ITGA3: variants seen among roughly 807,000 people sequenced by gnomAD.
ITGA3 encodes the protein integrin alpha-3.
In ITGA3, 70 loss-of-function variants were observed where a neutral mutation model predicts 131.1. That is an observed-to-expected ratio of 0.53 (90% confidence interval 0.44 to 0.65). The LOEUF (loss-of-function observed/expected upper bound fraction) is 0.65, where lower values mean the gene tolerates loss of function less well. Among genes scored for constraint, ITGA3 ranks in the 30% least tolerant of loss-of-function variants. ITGA3 has a pLI of 0.00. For missense variants in ITGA3, 1,098 were observed against 1,388.6 expected, an observed-to-expected ratio of 0.79 and a Z score of 3.33; for synonymous variants, 537 against 571.6, an observed-to-expected ratio of 0.94 and a Z score of 0.86.
At chr17:50,074,838 T>G (rs959889586) in intron 10 of ITGA3, among the ~76,000 whole-genome samples, 1 of 152,186 alleles carries the variant, frequency 6.6e-6, no homozygotes, top group Non-Finnish European at 1.5e-5. Flanking sequence ...CGCATTTAAG[T>G]GGATGGATAT....
chr17:50,087,829 G>A lies in ITGA3; in HGVS notation c.3005G>A (p.Gly1002Glu). Residue 1002 changes from glycine to glutamate, a missense_variant, in exon 24 of 26, where the codon GGG becomes GAG. Gly to Glu is a moderately conservative substitution (Grantham distance 98). This residue lies in a region of ITGA3 where 699 missense variants were observed against 829.2 expected (regional missense o/e 0.84). Transcript: ENST00000320031. Reference protein sequence around the residue: ...LWLVLVAVGAGLLLLGLIILL... With the variant: ...LWLVLVAVGAELLLLGLIILL... ...CTGGTGCTGGTGGCCGTGGGTGCAG[G>A]GCTGCTGCTGCTGGGGCTGATCATC... The A allele has an allele frequency of 1.2e-6, 2 of 1,609,326 alleles. No homozygotes were observed. The highest frequency in any genetic ancestry group is 1.7e-6 in the Non-Finnish European group (2 of 1,177,772).
Position 50,072,130 on chromosome 17 carries a change from C to T in ITGA3, c.1104C>T (p.Ala368=), listed in dbSNP as rs778982919. Residue 368 remains alanine, a synonymous_variant, in exon 7 of 26, where the codon GCC becomes GCT. Transcript: ENST00000320031. ...TTCTTCATGGCCCCAGTGGCTCTGC[C>T]TTTGGTTTATCTGTGGCCAGCATTG... The part of the protein sequence containing the change: ...SLLLHGPSGS[A]FGLSVASIGD... 1 of 1,614,022 alleles carries T rather than the reference C, an allele frequency of 6.2e-7. No homozygotes were observed. Among genetic ancestry groups the T allele is most frequent in the Non-Finnish European group, 8.5e-7 (1 of 1,180,002 alleles).
chr17:50,068,237 T>G lies in ITGA3; in HGVS notation c.596T>G (p.Leu199Arg). ...TACCTGGAGACGGGCATGTGCCAGC[T>G]GGGCACCAGCGGTGGCTTCACCCAG... ...TDYLETGMCQLGTSGGFTQNT... is the reference protein window; with the variant it reads ...TDYLETGMCQRGTSGGFTQNT... Residue 199 changes from leucine to arginine, a missense_variant, in exon 4 of 26, where the codon CTG becomes CGG. Coordinates refer to ENST00000320031, the MANE Select transcript of ITGA3 (RefSeq NM_002204.4). 6.2e-7 allele frequency: 1 copy of G among 1,614,002 alleles called. No individual in the cohort carries two copies. Among genetic ancestry groups the G allele is most frequent in the Non-Finnish European group, 8.5e-7 (1 of 1,180,028 alleles).
chr17:50,068,274 C>A lies in ITGA3; in HGVS notation c.633C>A (p.Tyr211Ter). The change falls in exon 4 of 26, where the codon TAC (tyrosine) becomes TAA (stop). Residue 211 changes from tyrosine to a stop codon, truncating the protein, a stop_gained. Transcript: ENST00000320031. LOFTEE classifies it high-confidence loss of function. ...GTGGCTTCACCCAGAACACTGTGTA[C>A]TTCGGCGCCCCCGGTGCCTACAACT... ...TSGGFTQNTV[Y>*]FGAPGAYNWK... 1 of 1,613,638 alleles carries A rather than the reference C, an allele frequency of 6.2e-7. No homozygotes were observed. The highest frequency in any genetic ancestry group is 2.2e-5 in the East Asian group (1 of 44,880).
Position 50,079,121 on chromosome 17 carries a change from C to T in ITGA3, c.2446C>T (p.Leu816=), listed in dbSNP as rs750319665. The T allele has an allele frequency of 6.2e-7, 1 of 1,613,924 alleles. No individual in the cohort carries two copies. Among genetic ancestry groups the T allele is most frequent in the Non-Finnish European group, 8.5e-7 (1 of 1,179,948 alleles). ...GCTGGTGGGCCTGGGGACCCTGGTCCTAGGTCTGGAGTGGCCCTACGAAGT... is the reference window on the plus strand; with the variant it reads ...GCTGGTGGGCCTGGGGACCCTGGTCTTAGGTCTGGAGTGGCCCTACGAAGT... The part of the protein sequence containing the change: ...EGLVGLGTLV[L]GLEWPYEVSN... Residue 816 remains leucine (L), a synonymous_variant, in exon 20 of 26, where the codon CTA becomes TTA. Coordinates refer to ENST00000320031, the MANE Select transcript of ITGA3 (RefSeq NM_002204.4).
chr17:50,070,545 C>CT (rs1908571381), intron 4 of ITGA3, among the ~76,000 whole-genome samples: 1 of 143,172 alleles, frequency 7.0e-6, no homozygotes, highest in Non-Finnish European at 1.5e-5. Flanking sequence ...ACTCGGGAGG[C>CT]TGAGGCAGGA....
At chr17:50,081,462 A>C in intron 23 of ITGA3, 54 bp downstream of exon 23, 1 of 1,309,438 alleles carries the variant, frequency 7.6e-7, no homozygotes, top group East Asian at 2.5e-5. Flanking sequence ...TTGAGAGTAC[A>C]GGGCATCTTT....
chr17:50,076,291 T>G (rs201933336), intron 12 of ITGA3, 35 bp from the exon 13 acceptor site: 244 of 1,603,772 alleles, frequency 1.5e-4, no homozygotes, highest in South Asian at 4.7e-4. Context: ...CAGGGAGCAG[T>G]GCAGGGCCGG....
rs556040474 is a variant in ITGA3 at position 50,090,066 on chromosome 17, G to A, written c.*988G>A. The A allele has an allele frequency of 3.5e-4, 118 of 334,842 alleles. 1 individual carries two copies. Among genetic ancestry groups the A allele is most frequent in the South Asian group, 2.5e-3 (115 of 45,422 alleles). 20.7% of individuals were successfully genotyped at this position (334,842 alleles called of 1,614,324 possible). On this transcript the variant is annotated 3_prime_UTR_variant, in exon 26 of 26. Coordinates refer to ENST00000320031, the MANE Select transcript of ITGA3 (RefSeq NM_002204.4). Reference sequence around the variant, plus strand: ...ACAGATGTTGGGAGGATACAGAGGAGATGCCACTTCTCACTCACCACTACC... The same window carrying A: ...ACAGATGTTGGGAGGATACAGAGGAAATGCCACTTCTCACTCACCACTACC...
rs1187629337 is a variant in ITGA3, at chr17:50,075,823, G to T, written c.1674+88G>T. ...CCCCTAGATCAAGGGTGAGGGACGG[G>T]GGTCTCCCCAGAGACAGAGGTTGGG... On this transcript the variant is annotated intron_variant, in intron 12 of 25. Coordinates refer to ENST00000320031, the MANE Select transcript of ITGA3 (RefSeq NM_002204.4). 6.4e-6 allele frequency: 9 copies of T among 1,410,546 alleles called. No homozygotes were observed. In the African/African-American group the frequency reaches 7.1e-5, roughly 11 times the overall value. 87.4% of individuals were successfully genotyped at this position (1,410,546 alleles called of 1,614,324 possible). A position where few individuals can be genotyped will look rare whatever the true frequency, so the allele number is the denominator to read the frequency against.
At chr17:50,068,369 A>C in intron 4 of ITGA3, 64 bp downstream of exon 4, 1 of 1,572,514 alleles carries the variant, frequency 6.4e-7, no homozygotes. Flanking sequence ...CTAGTTAGCC[A>C]CGGGGACAGC....
At chr17:50,068,524 A>G (rs565668984) in intron 4 of ITGA3, among the ~76,000 whole-genome samples, 1 of 152,298 alleles carries the variant, frequency 6.6e-6, no homozygotes, top group Admixed American at 6.5e-5. Context: ...TTTTTGACAT[A>G]GGGTCTCACT....
Position 50,075,640 on chromosome 17 carries a change from C to A in ITGA3, c.1579C>A (p.Pro527Thr). Residue 527 changes from proline (P) to threonine (T), a missense_variant, in exon 12 of 26, where the codon CCC becomes ACC. Pro to Thr is a conservative substitution (Grantham distance 38). Coordinates refer to ENST00000320031, the MANE Select transcript of ITGA3 (RefSeq NM_002204.4). ...TLEADRDRRP[P>T]RLRFAGSESA... is the part of the protein sequence containing the mutation. ...GGAGGCTGACAGGGACCGCCGGCCG[C>A]CCCGGCTCCGCTTTGCCGGCAGTGA... 6.2e-7 allele frequency: 1 copy of A among 1,614,204 alleles called. No homozygotes were observed. Among genetic ancestry groups the A allele is most frequent in the Non-Finnish European group, 8.5e-7 (1 of 1,180,034 alleles).
At position 50,071,530 on chromosome 17, in the gene ITGA3, G is replaced by A; in HGVS notation, c.959+12G>A. 6.3e-7 allele frequency: 1 copy of A among 1,596,400 alleles called. No homozygotes were observed. The highest frequency in any genetic ancestry group is 8.5e-7 in the Non-Finnish European group (1 of 1,174,896). On this transcript the variant is annotated intron_variant, in intron 6 of 25. Transcript: ENST00000320031. ...CTGAACAATGATGGGTGAGAATCTA[G>A]GGACATCCTCTGGGGCCAGGGAGAG...
rs899960225 is a variant in ITGA3 at position 50,064,016 on chromosome 17, A to G, written c.207-61A>G. On this transcript the variant is annotated intron_variant, in intron 1 of 25. Coordinates refer to ENST00000320031, the MANE Select transcript of ITGA3 (RefSeq NM_002204.4). This position sits in a 1 kb window ranked among gnomAD's most constrained non-coding sequence, Gnocchi z 4.4. ...GTAAATGTATGTTGAATAAATAACAAGTTGTTCCAAGTGGGGCTTGGGGAG... is the reference window on the plus strand; with the variant it reads ...GTAAATGTATGTTGAATAAATAACAGGTTGTTCCAAGTGGGGCTTGGGGAG... The G allele has an allele frequency of 6.3e-7, 1 of 1,585,170 alleles. No individual in the cohort carries two copies. The highest frequency in any genetic ancestry group is 8.6e-7 in the Non-Finnish European group (1 of 1,165,232).
At position 50,088,374 on chromosome 17, in the gene ITGA3, G is replaced by A. The variant is rs537255369; in HGVS notation, c.*31+8G>A. ...CGCCCCCGGCCCACCTGGGTAACAC[G>A]GCCTCCGGGCCCCCTTCCCCGAGCC... On this transcript the variant is annotated splice_region_variant and intron_variant, in intron 25 of 25. Transcript: ENST00000320031. 4.8e-6 allele frequency: 7 copies of A among 1,446,926 alleles called. No homozygotes were observed. In the African/African-American group the frequency reaches 5.6e-5, roughly 12 times the overall value. The allele number at this position is 1,446,926 out of a possible 1,614,324, so 89.6% of individuals were successfully genotyped here.
chr17:50,076,856 G>T lies in ITGA3; in HGVS notation c.1923-118G>T, dbSNP rs562646313. The T allele has an allele frequency of 6.3e-5, 80 of 1,263,398 alleles. No individual in the cohort carries two copies. In the African/African-American group the frequency reaches 1.1e-3, roughly 18 times the overall value. 78.3% of individuals were successfully genotyped at this position (1,263,398 alleles called of 1,614,324 possible). A position where few individuals can be genotyped will look rare whatever the true frequency, so the allele number is the denominator to read the frequency against. On this transcript the variant is annotated intron_variant, in intron 14 of 25. Coordinates refer to ENST00000320031, the MANE Select transcript of ITGA3 (RefSeq NM_002204.4). Reference sequence around the variant, plus strand: ...CCTCCAGGTGCGACTAGAGGACGGGGCCTGGCTGTCCCAAGATGGGCTTTT... The same window carrying T: ...CCTCCAGGTGCGACTAGAGGACGGGTCCTGGCTGTCCCAAGATGGGCTTTT...
chr17:50,079,096 GCTGGTGGGC>G lies in ITGA3; in HGVS notation c.2426_2434del (p.Val809_Leu811del). 1 of 1,613,734 alleles carries G rather than the reference GCTGGTGGGC, an allele frequency of 6.2e-7. No individual in the cohort carries two copies. The highest frequency in any genetic ancestry group is 8.5e-7 in the Non-Finnish European group (1 of 1,179,910). On this transcript the variant is annotated inframe_deletion, in exon 20 of 26. Coordinates refer to ENST00000320031, the MANE Select transcript of ITGA3 (RefSeq NM_002204.4). ...CACAGGTGGGCCCAATGGGGGAGGG[GCTGGTGGGC>G]CTGGGGACCCTGGTCCTAGGTCTGG...
chr17:50,076,641 C>A lies in ITGA3; in HGVS notation c.1882C>A (p.Arg628=), dbSNP rs780234135. The A allele has an allele frequency of 4.3e-6, 7 of 1,613,342 alleles. No homozygotes were observed. The highest frequency in any genetic ancestry group is 5.1e-6 in the Non-Finnish European group (6 of 1,179,880). Residue 628 remains arginine, a synonymous_variant, in exon 14 of 26, where the codon CGG becomes AGG. Coordinates refer to ENST00000320031, the MANE Select transcript of ITGA3 (RefSeq NM_002204.4). ...CAAGTGTGAGAGCAACTTGCAGATG[C>A]GGGCAGCCTTCGTGTCAGAGCAGCA... ...DNKCESNLQM[R]AAFVSEQQQK...
Sources: gnomAD v4.1 joint callset for allele counts (sites outside exome capture counted in the v4.1 genomes callset) on GRCh38, gnomAD v4.1.1 for gene constraint, gnomAD v4.1.1 regional missense constraint, Gnocchi (gnomAD v3.1) non-coding constraint, MANE v1.5 for transcripts, NCBI Gene and HGNC (gene_info 2026-07-23, HGNC 2026-07-21) for gene names.